CCT2: variants seen among roughly 807,000 people sequenced by gnomAD.
CCT2 encodes chaperonin containing TCP1 subunit 2.
CCT2 carries 18 observed loss-of-function variants against 61.8 expected under a neutral mutation model. The observed-to-expected ratio is 0.29, with a 90% CI of 0.20 to 0.43. The LOEUF (loss-of-function observed/expected upper bound fraction) is 0.43. Among genes scored for constraint, CCT2 ranks in the 20% least tolerant of loss-of-function variants. The pLI is 1.00. For missense variants in CCT2, 556 were observed against 656.9 expected (o/e 0.85, Z 1.68); for synonymous variants, 248 against 215.9 (o/e 1.15, Z -1.30).
At chr12:69,585,818 C>G in intron 1 of CCT2, 2 of 1,344,418 alleles carry the variant, frequency 1.5e-6, no homozygotes, top group Non-Finnish European at 1.9e-6. Context: ...TAGTGTGGGA[C>G]CCGCTCCGCC....
chr12:69,597,847 C>T (rs710765), intron 12 of CCT2, 81 bp downstream of exon 12: 1,050,669 of 1,442,240 alleles, frequency 0.73, 387,658 homozygotes, highest in African/African-American at 0.94. Flanking sequence ...ATGGTTCTTA[C>T]AGAAATCTTA....
intron 3 of CCT2, 28 bp downstream of exon 3, chr12:69,586,846 T>C: frequency 7.1e-7 from 1 of 1,414,024 alleles, no homozygotes; most frequent in South Asian, 1.3e-5. Flanking sequence ...GTTTTATATT[T>C]TAATATTGTT....
At chr12:69,600,029 A>C (rs758226367) in intron 15 of CCT2, 25 bp downstream of exon 15, 3 of 1,582,398 alleles carry the variant, frequency 1.9e-6, no homozygotes, top group East Asian at 2.3e-5. Flanking sequence ...TTCTCAGAAA[A>C]AATTACTAAC....
chr12:69,586,425 T>C, intron 2 of CCT2, 81 bp downstream of exon 2: 1 of 1,013,482 alleles, frequency 9.9e-7, no homozygotes, highest in Non-Finnish European at 1.5e-6. Context: ...CCCAGTACTT[T>C]GGGAGGCCGA....
chr12:69,588,425 AAAGTT>A (rs1881731815), intron 6 of CCT2, 163 bp downstream of exon 6: 6 of 582,690 alleles, frequency 1.0e-5, no homozygotes, highest in South Asian at 9.2e-5. Context: ...GATAGCCACT[AAAGTT>A]AAGTTTGGGT....
At chr12:69,598,663 A>G (rs539819524) in intron 14 of CCT2, among the ~76,000 whole-genome samples, 34 of 152,362 alleles carry the variant, frequency 2.2e-4, no homozygotes, top group Admixed American at 5.2e-4. Context: ...TATTTGGTAT[A>G]TAACGACTAT....
At chr12:69,589,720 A>C (rs767748474) in intron 7 of CCT2, 33 bp downstream of exon 7, 1 of 1,531,260 alleles carries the variant, frequency 6.5e-7, no homozygotes, top group East Asian at 2.2e-5. Context: ...AGAAGCTTTG[A>C]TTAGATGCTG....
intron 14 of CCT2, among the ~76,000 whole-genome samples, chr12:69,598,652 C>G (rs1882064676): frequency 6.6e-6 from 1 of 152,124 alleles, no homozygotes; most frequent in South Asian, 2.1e-4. Flanking sequence ...AGATTTGTAA[C>G]TATTTGGTAT....
At chr12:69,586,423 T>G (rs1881659103) in intron 2 of CCT2, 79 bp downstream of exon 2, 1 of 1,019,580 alleles carries the variant, frequency 9.8e-7, no homozygotes, top group African/African-American at 1.6e-5. Context: ...ATCCCAGTAC[T>G]TTGGGAGGCC....
chr12:69,600,991 CAG>C (rs1882131159), intron 15 of CCT2, among the ~76,000 whole-genome samples: 1 of 152,152 alleles, frequency 6.6e-6, no homozygotes, highest in Non-Finnish European at 1.5e-5. Flanking sequence ...GGGCATCACA[CAG>C]AGGAGGGGGC....
At position 69,589,490 on chromosome 12, in the gene CCT2, A is replaced by G; in HGVS notation, c.452A>G (p.Asp151Gly). ...LLSSAVDHGS[D>G]EVKFRQDLMN... The stretch of plus-strand genomic sequence containing the variant: ...ATTTGGTTGGTTTTATTTAGTTCCG[A>G]TGAAGTTAAATTCCGTCAAGATTTA... The change falls in exon 7 of 16, where the codon GAT (aspartate) becomes GGT (glycine). Residue 151 changes from aspartate to glycine, a missense_variant. Transcript: ENST00000299300. 1 of 1,613,672 alleles carries G rather than the reference A, an allele frequency of 6.2e-7. No homozygotes were observed. Among genetic ancestry groups the G allele is most frequent in the Non-Finnish European group, 8.5e-7 (1 of 1,179,612 alleles).
At position 69,587,915 on chromosome 12, in the gene CCT2, A is replaced by G. The variant is rs373239019; in HGVS notation, c.257-15A>G. The G allele has an allele frequency of 4.4e-6, 7 of 1,592,572 alleles. No homozygotes were observed. The African/African-American group carries it at 8.1e-5, about 18-fold the overall frequency. Reference sequence around the variant, plus strand: ...AAGAAGCAATTTTGAGTTAATAACTAATTTCTTTTTCTAGATATGTCAAGG... The same window carrying G: ...AAGAAGCAATTTTGAGTTAATAACTGATTTCTTTTTCTAGATATGTCAAGG... On this transcript the variant is annotated splice_polypyrimidine_tract_variant and intron_variant, in intron 4 of 15. Coordinates refer to ENST00000299300, the MANE Select transcript of CCT2 (RefSeq NM_006431.3).
chr12:69,594,845 TTAA>T (rs1169509556), intron 10 of CCT2, among the ~76,000 whole-genome samples: 2 of 123,518 alleles, frequency 1.6e-5, no homozygotes, highest in East Asian at 5.9e-4. Context: ...GACCCTGTCT[TTAA>T]AAAAAAAAAA....
intron 6 of CCT2, among the ~76,000 whole-genome samples, chr12:69,588,946 A>G (rs1369056127): frequency 6.6e-6 from 1 of 152,192 alleles, no homozygotes; most frequent in Non-Finnish European, 1.5e-5. Flanking sequence ...TTATTTTGAG[A>G]CGGAGTCTCG....
chr12:69,586,395 C>A (rs773168153), intron 2 of CCT2, 51 bp downstream of exon 2: 14 of 1,300,460 alleles, frequency 1.1e-5, no homozygotes, highest in Admixed American at 3.4e-5. Context: ...AGGCCAGGCG[C>A]GGTGGCTTAC....
intron 1 of CCT2, chr12:69,585,764 C>G: frequency 7.1e-7 from 1 of 1,414,940 alleles, no homozygotes; most frequent in Non-Finnish European, 9.2e-7. Context: ...TTTGCATAGT[C>G]CCGGCAGCCC....
rs12313564 is a variant in CCT2 at position 69,588,483 on chromosome 12, C to T, written c.446+221C>T. The T allele has an allele frequency of 1.1e-3, 527 of 498,550 alleles. 4 individuals carry two copies. The highest frequency in any genetic ancestry group is 8.9e-3 in the African/African-American group (463 of 51,872). 30.9% of individuals were successfully genotyped at this position (498,550 alleles called of 1,614,324 possible). On this transcript the variant is annotated intron_variant, in intron 6 of 15. Coordinates refer to ENST00000299300, the MANE Select transcript of CCT2 (RefSeq NM_006431.3). The stretch of plus-strand genomic sequence containing the variant: ...ATATCATCAAAATATACAAATAAAG[C>T]AAATAGTATAATACTGTATAGAGAA...
chr12:69,586,179 A>G, intron 1 of CCT2, 91 bp from the exon 2 acceptor site: 1 of 1,153,958 alleles, frequency 8.7e-7, no homozygotes, highest in South Asian at 1.3e-5. Flanking sequence ...TTTCTCTTAG[A>G]TGTCCACTTG....
At chr12:69,585,735 G>T (rs959661046) in intron 1 of CCT2, 24 of 1,454,888 alleles carry the variant, frequency 1.6e-5, no homozygotes, top group Admixed American at 1.0e-4. Context: ...CAAAGCCAGC[G>T]TCTCCTTGTG....
Sources: gnomAD v4.1 joint callset for allele counts (sites outside exome capture counted in the v4.1 genomes callset) on GRCh38, gnomAD v4.1.1 for gene constraint, MANE v1.5 for transcripts, NCBI Gene and HGNC (gene_info 2026-07-23, HGNC 2026-07-21) for gene names.